Variants in MLLT6 observed in about 807,000 individuals in gnomAD.
MLLT6 encodes the protein protein AF-17.
MLLT6 carries 22 observed loss-of-function variants against 103.0 expected under a neutral mutation model. That is an observed-to-expected ratio of 0.21 (90% CI 0.15 to 0.31). The LOEUF (loss-of-function observed/expected upper bound fraction) is 0.31, where lower values mean the gene tolerates loss of function less well. Ranked by LOEUF, MLLT6 falls within the 10% of genes least tolerant of loss-of-function variation. MLLT6 has a pLI of 1.00. For missense variants in MLLT6, 1,199 were observed against 1,441.7 expected, an observed-to-expected ratio of 0.83 and a Z score of 2.73; for synonymous variants, 606 against 623.5, an observed-to-expected ratio of 0.97 and a Z score of 0.42.
intron 19 of MLLT6, 143 bp downstream of exon 19, chr17:38,725,119 G>T: frequency 1.6e-6 from 1 of 627,158 alleles, no homozygotes; most frequent in Middle Eastern, 3.1e-4. Flanking sequence ...CAGACCCCAG[G>T]GCCTCTGCTT....
chr17:38,712,662 A>G (rs771154941), intron 7 of MLLT6, 29 bp from the exon 8 acceptor site: 7 of 1,489,796 alleles, frequency 4.7e-6, no homozygotes, highest in Non-Finnish European at 6.6e-6. Context: ...GCCCCCCAGC[A>G]CAATATCTAG....
At chr17:38,712,378 T>C (rs1905172675) in intron 7 of MLLT6, among the ~76,000 whole-genome samples, 1 of 152,206 alleles carries the variant, frequency 6.6e-6, no homozygotes. Context: ...CCAGCTCCTG[T>C]CCCTCTGTGC....
rs763851559 is a variant in MLLT6 at position 38,716,371 on chromosome 17, G to A, written c.1041G>A (p.Ser347=). 6.8e-6 allele frequency: 11 copies of A among 1,611,042 alleles called. No individual in the cohort carries two copies. Among genetic ancestry groups the A allele is most frequent in the South Asian group, 1.1e-5 (1 of 90,866 alleles). ...CTGTTTCCCCTCTGTGCACAGTCTC[G>A]TCCCTGCAGAGCTCCCCTGACTTCT... ...SSGGPFQPAV[S]SLQSSPDFSA... The change falls in exon 10 of 20, where the codon TCG becomes TCA. Residue 347 remains serine, a synonymous_variant. Coordinates refer to ENST00000621332, the MANE Select transcript of MLLT6 (RefSeq NM_005937.4). This position sits in a 1 kb window ranked among gnomAD's most constrained non-coding sequence, Gnocchi z 5.6.
chr17:38,711,843 G>T lies in MLLT6; in HGVS notation c.553-4G>T. On this transcript the variant is annotated splice_polypyrimidine_tract_variant and splice_region_variant and intron_variant, in intron 6 of 19. Transcript: ENST00000621332. ...TTGCAATTTCTCTCAAATCTCTCCCGCAGAAGACATCCCGGCACAGCAGCG... is the reference window on the plus strand; with the variant it reads ...TTGCAATTTCTCTCAAATCTCTCCCTCAGAAGACATCCCGGCACAGCAGCG... 2 of 1,541,726 alleles carry T rather than the reference G, an allele frequency of 1.3e-6. No individual in the cohort carries two copies. The highest frequency in any genetic ancestry group is 3.8e-4 in the Middle Eastern group (2 of 5,250).
chr17:38,712,796 C>T lies in MLLT6; in HGVS notation c.819+7C>T, dbSNP rs1905189000. On this transcript the variant is annotated splice_region_variant and intron_variant, in intron 8 of 19. Coordinates refer to ENST00000621332, the MANE Select transcript of MLLT6 (RefSeq NM_005937.4). ...GGTCCCCACTGCTGACAAGGTACTG[C>T]TGCCCACCTTCAGGAGGGATGGTGT... 6.2e-7 allele frequency: 1 copy of T among 1,605,194 alleles called. No individual in the cohort carries two copies.
chr17:38,719,910 C>T lies in MLLT6; in HGVS notation c.2155+15C>T, dbSNP rs372855826. On this transcript the variant is annotated intron_variant, in intron 14 of 19. Transcript: ENST00000621332. Reference sequence around the variant, plus strand: ...CGGCGTCAACAGTGAGGAGGGGTGGCGCCGGTCGGGACGCCTGCCCTAGGG... The same window carrying T: ...CGGCGTCAACAGTGAGGAGGGGTGGTGCCGGTCGGGACGCCTGCCCTAGGG... 6.5e-4 allele frequency: 1,016 copies of T among 1,560,582 alleles called. No individual in the cohort carries two copies. Among genetic ancestry groups the T allele is most frequent in the Non-Finnish European group, 8.3e-4 (955 of 1,153,236 alleles).
At chr17:38,719,494 T>A in intron 12 of MLLT6, 23 bp from the exon 13 acceptor site, 1 of 1,595,982 alleles carries the variant, frequency 6.3e-7, no homozygotes, top group East Asian at 2.3e-5. Context: ...TCCACGCTGA[T>A]CCCAGCCTTC....
In MLLT6 at chr17:38,719,439, C is replaced by G. The variant is rs1015089342; in HGVS notation, c.1943-78C>G. 2.8e-5 allele frequency: 35 copies of G among 1,265,892 alleles called. No individual in the cohort carries two copies. The South Asian group carries it at 3.6e-4, about 13-fold the overall frequency. 78.4% of individuals were successfully genotyped at this position (1,265,892 alleles called of 1,614,324 possible). On this transcript the variant is annotated intron_variant, in intron 12 of 19. Coordinates refer to ENST00000621332, the MANE Select transcript of MLLT6 (RefSeq NM_005937.4). ...AAGGGATCTGCGGTGAGGTCCCAAT[C>G]CCATATCCATCTGGGGGCGGGGACC...
At position 38,707,032 on chromosome 17, in the gene MLLT6, G is replaced by C; in HGVS notation, c.189+3G>C. On this transcript the variant is annotated splice_donor_region_variant and intron_variant, in intron 2 of 19. Transcript: ENST00000621332. ...CTCAGGAGCGAGCAGCCAGGGTGGT[G>C]AGTTCCAGACTGCCCCTCTCCACTC... 6.2e-7 allele frequency: 1 copy of C among 1,610,778 alleles called. No individual in the cohort carries two copies. Among genetic ancestry groups the C allele is most frequent in the Non-Finnish European group, 8.5e-7 (1 of 1,177,468 alleles).
chr17:38,728,543 G>A lies in MLLT6; in HGVS notation c.*2945G>A. The A allele has an allele frequency of 4.3e-6, 1 of 233,592 alleles. No individual in the cohort carries two copies. Among genetic ancestry groups the A allele is most frequent in the Non-Finnish European group, 8.5e-6 (1 of 118,176 alleles). The allele number at this position is 233,592 out of a possible 1,614,324, so 14.5% of individuals were successfully genotyped here. On this transcript the variant is annotated 3_prime_UTR_variant, in exon 20 of 20. Transcript: ENST00000621332. Reference sequence around the variant, plus strand: ...TCAGTGAGGAGGTGTGAGTGGGGGTGCATATAGAGGCAGTGCCTGCTGTGG... The same window carrying A: ...TCAGTGAGGAGGTGTGAGTGGGGGTACATATAGAGGCAGTGCCTGCTGTGG...
intron 17 of MLLT6, 44 bp from the exon 18 acceptor site, chr17:38,722,634 T>TGGGGGGGGGGGGGGGGGG: frequency 1.9e-6 from 1 of 532,160 alleles, no homozygotes; most frequent in Non-Finnish European, 3.6e-6. Context: ...CCCTCCCCCA[T>TGGGGGGGGGGGGGGGGGG]GGTCTGTGTG....
In MLLT6 at chr17:38,724,949, G is replaced by C. The variant is rs888882574; in HGVS notation, c.3213G>C (p.Glu1071Asp). 6.5e-7 allele frequency: 1 copy of C among 1,543,224 alleles called. No homozygotes were observed. The highest frequency in any genetic ancestry group is 1.4e-5 in the African/African-American group (1 of 72,934). ...TNPFLSLSGA[E>D]GSGGGPKGGT... is the part of the protein sequence containing the mutation. ...CCTTCCTCAGCCTGTCGGGAGCAGA[G>C]GGCAGTGGCGGTGGCCCCAAAGGAG... The change falls in exon 19 of 20, where the codon GAG becomes GAC. Residue 1071 changes from glutamate (E) to aspartate (D), a missense_variant. Physicochemically the swap from Glu to Asp is conservative, Grantham distance 45. Transcript: ENST00000621332. This position sits in a 1 kb window ranked among gnomAD's most constrained non-coding sequence, Gnocchi z 5.4.
intron 6 of MLLT6, among the ~76,000 whole-genome samples, chr17:38,710,391 C>T (rs1354593468): frequency 6.6e-6 from 1 of 152,152 alleles, no homozygotes; most frequent in East Asian, 1.9e-4. Context: ...GGATCTACCC[C>T]CGAGCCACAG....
In MLLT6 at chr17:38,709,398, C is replaced by G; in HGVS notation, c.459-84C>G. On this transcript the variant is annotated intron_variant, in intron 5 of 19. Transcript: ENST00000621332. This position sits in a 1 kb window ranked among gnomAD's most constrained non-coding sequence, Gnocchi z 4.3. Reference sequence around the variant, plus strand: ...ATGCTTTGGATGGTCTTGGCTTCGCCTCAGCAGGGGGCCAGGAGGGTGAGA... The same window carrying G: ...ATGCTTTGGATGGTCTTGGCTTCGCGTCAGCAGGGGGCCAGGAGGGTGAGA... The G allele has an allele frequency of 6.9e-7, 1 of 1,448,074 alleles. No individual in the cohort carries two copies. The highest frequency in any genetic ancestry group is 2.3e-5 in the East Asian group (1 of 44,070). 89.7% of individuals were successfully genotyped at this position (1,448,074 alleles called of 1,614,324 possible).
rs1282066960 is a variant in MLLT6 at position 38,728,826 on chromosome 17, T to G, written c.*3228T>G. On this transcript the variant is annotated 3_prime_UTR_variant, in exon 20 of 20. Transcript: ENST00000621332. ...CAGGGCTGTGCCCGGGGTGGGAGGG[T>G]GTCTATGTGGCACTGACTGTCTTAG... 1 of 233,642 alleles carries G rather than the reference T, an allele frequency of 4.3e-6. No homozygotes were observed. The highest frequency in any genetic ancestry group is 5.6e-5 in the Admixed American group (1 of 17,756). 14.5% of individuals were successfully genotyped at this position (233,642 alleles called of 1,614,324 possible). A position where few individuals can be genotyped will look rare whatever the true frequency, so the allele number is the denominator to read the frequency against.
intron 17 of MLLT6, among the ~76,000 whole-genome samples, chr17:38,722,439 G>A (rs988721026): frequency 1.3e-5 from 2 of 152,182 alleles, no homozygotes; most frequent in Non-Finnish European, 2.9e-5. Context: ...AGGGACAAAA[G>A]AATTGTTGAC....
At chr17:38,712,188 G>A (rs1009627445) in intron 7 of MLLT6, 174 bp downstream of exon 7, 2 of 895,372 alleles carry the variant, frequency 2.2e-6, no homozygotes, top group Non-Finnish European at 2.7e-6. Context: ...GGGTGAGGCG[G>A]GAGCTTGGCT....
chr17:38,725,072 A>C, intron 19 of MLLT6, 96 bp downstream of exon 19: 1 of 931,720 alleles, frequency 1.1e-6, no homozygotes, highest in South Asian at 1.8e-5. Flanking sequence ...CAGCAGGGGG[A>C]AGGAAGCAAC....
At chr17:38,717,329 C>G in intron 10 of MLLT6, 103 bp from the exon 11 acceptor site, 1 of 939,106 alleles carries the variant, frequency 1.1e-6, no homozygotes, top group Non-Finnish European at 1.6e-6. Context: ...GTAGCCAGAT[C>G]CCGGGGAGCA....
Sources: allele counts gnomAD v4.1 joint callset (sites outside exome capture counted in the v4.1 genomes callset), GRCh38; gene constraint gnomAD v4.1.1; non-coding constraint Gnocchi (gnomAD v3.1); transcripts MANE v1.5; gene names NCBI Gene and HGNC (gene_info 2026-07-23, HGNC 2026-07-21).